The following MYO5C variants were observed in gnomAD, a reference collection of about 807,000 sequenced individuals.
MYO5C encodes the protein myosin VC.
In MYO5C, 194 loss-of-function variants were observed where a neutral mutation model predicts 235.7. The observed-to-expected ratio is 0.82, with a 90% CI of 0.73 to 0.93. The LOEUF (loss-of-function observed/expected upper bound fraction) is 0.93, where lower values mean the gene tolerates loss of function less well. Among genes scored for constraint, MYO5C ranks in the 40% least tolerant of loss-of-function variants. MYO5C has a pLI of 0.00. For synonymous variants in MYO5C, 707 were observed against 754.8 expected (o/e 0.94, Z 1.04); for missense variants, 2,038 against 2,127.2 (o/e 0.96, Z 0.82).
rs1462358472 is a variant in MYO5C at position 52,251,419 on chromosome 15, A to C, written c.1633T>G (p.Ser545Ala). The change falls in exon 13 of 41, where the codon TCC becomes GCC. Residue 545 changes from serine to alanine, a missense_variant. Coordinates refer to ENST00000261839, the MANE Select transcript of MYO5C (RefSeq NM_018728.4). ...LFEKPRMSNTSFVIQHFADKV... is the reference protein window; with the variant it reads ...LFEKPRMSNTAFVIQHFADKV... Reference sequence around the variant, plus strand: ...TCAGCAAAGTGCTGGATGACAAAGGATGTGTTTGACATTCTAGGCTTTTCA... The same window carrying C: ...TCAGCAAAGTGCTGGATGACAAAGGCTGTGTTTGACATTCTAGGCTTTTCA... 1 of 1,599,188 alleles carries C rather than the reference A, an allele frequency of 6.3e-7. No individual in the cohort carries two copies. The highest frequency in any genetic ancestry group is 1.7e-5 in the Admixed American group (1 of 58,540).
chr15:52,277,466 C>T (rs186582514), intron 4 of MYO5C, among the ~76,000 whole-genome samples: 85 of 152,244 alleles, frequency 5.6e-4, no homozygotes, highest in Non-Finnish European at 1.0e-3. Flanking sequence ...TAATTCTCTA[C>T]CCAGTATGCA....
chr15:52,284,083 A>G (rs980537331), intron 1 of MYO5C, among the ~76,000 whole-genome samples: 10 of 151,910 alleles, frequency 6.6e-5, no homozygotes, highest in African/African-American at 2.4e-4. Context: ...TAATCTTTAA[A>G]GGCAAATATC....
chr15:52,291,729 A>ATTT (rs1317823747), intron 1 of MYO5C, among the ~76,000 whole-genome samples: 1 of 46,722 alleles, frequency 2.1e-5, no homozygotes, highest in Non-Finnish European at 4.5e-5. Context: ...TGCATATTTT[A>ATTT]TGTTTTTTTT....
chr15:52,265,336 G>A (rs1339906881), intron 8 of MYO5C: 1 of 152,290 alleles, frequency 6.6e-6, no homozygotes, highest in East Asian at 1.9e-4. Context: ...GATCCCCCCA[G>A]TGTGTGTTAA....
At chr15:52,265,347 T>C (rs2036783749) in intron 8 of MYO5C, 1 of 152,246 alleles carries the variant, frequency 6.6e-6, no homozygotes, top group African/African-American at 2.4e-5. Context: ...TGTGTGTTAA[T>C]GACACTGTGG....
At chr15:52,273,277 T>C (rs1388686580) in intron 5 of MYO5C, among the ~76,000 whole-genome samples, 1 of 152,170 alleles carries the variant, frequency 6.6e-6, no homozygotes, top group Non-Finnish European at 1.5e-5. Flanking sequence ...GAGCTATGAT[T>C]GCACCACCGC....
intron 36 of MYO5C, among the ~76,000 whole-genome samples, chr15:52,207,487 G>A (rs537692516): frequency 2.9e-4 from 44 of 152,182 alleles, no homozygotes; most frequent in African/African-American, 1.0e-3. Context: ...TCCTTCCATT[G>A]GGACAACTGG....
intron 34 of MYO5C, 106 bp from the exon 35 acceptor site, chr15:52,211,990 A>G (rs1487432878): frequency 2.6e-6 from 3 of 1,169,182 alleles, no homozygotes; most frequent in Non-Finnish European, 2.4e-6. Flanking sequence ...TGCTTGACAC[A>G]GTGCCTGAAT....
chr15:52,233,639 C>T (rs566784493), intron 23 of MYO5C, among the ~76,000 whole-genome samples: 2 of 152,158 alleles, frequency 1.3e-5, no homozygotes, highest in African/African-American at 2.4e-5. Flanking sequence ...AGAGGAAGTA[C>T]AAAAAAGGCA....
intron 8 of MYO5C, among the ~76,000 whole-genome samples, chr15:52,268,564 G>GA (rs911254614): frequency 2.6e-4 from 38 of 143,444 alleles, no homozygotes; most frequent in Admixed American, 1.3e-3. Context: ...AAAAAGAAAA[G>GA]AAAAAAAAAA....
At chr15:52,271,622 C>A in intron 7 of MYO5C, 141 bp downstream of exon 7, 1 of 485,416 alleles carries the variant, frequency 2.1e-6, no homozygotes, top group Non-Finnish European at 3.6e-6. Flanking sequence ...ATTAGATGCA[C>A]CAATTCTGTC....
Position 52,246,954 on chromosome 15 carries a change from G to C in MYO5C, c.1942C>G (p.Arg648Gly), listed in dbSNP as rs760127579. The C allele has an allele frequency of 1.2e-6, 2 of 1,613,914 alleles. No homozygotes were observed. Among genetic ancestry groups the C allele is most frequent in the Non-Finnish European group, 1.7e-6 (2 of 1,179,976 alleles). ...TTCTCATCATTTGGCTTGATGCATCGAACGTAGTGGGGCGTCGTCGCATTG... is the reference window on the plus strand; with the variant it reads ...TTCTCATCATTTGGCTTGATGCATCCAACGTAGTGGGGCGTCGTCGCATTG... ...TLNATTPHYV[R>G]CIKPNDEKLP... The change falls in exon 16 of 41, where the codon CGA becomes GGA. Residue 648 changes from arginine to glycine, a missense_variant. Physicochemically the swap from Arg to Gly is moderately radical, Grantham distance 125. Coordinates refer to ENST00000261839, the MANE Select transcript of MYO5C (RefSeq NM_018728.4).
At chr15:52,219,058 C>G (rs2035617429) in intron 31 of MYO5C, among the ~76,000 whole-genome samples, 1 of 152,234 alleles carries the variant, frequency 6.6e-6, no homozygotes, top group Non-Finnish European at 1.5e-5. Context: ...AGGGATCAGA[C>G]AGAAGAGAGG....
rs1254167462 is a variant in MYO5C, at chr15:52,198,588, T to TTTG, written c.4821-2106_4821-2105insCAA. ...TGTTGTTGTTGCTTTTTGTTTGTTT[T>TTTG]TTTGTTTGTTTGAGACAGAGTCTCA... On this transcript the variant is annotated intron_variant, in intron 38 of 40. Transcript: ENST00000261839. 7.2e-4 allele frequency among the ~76,000 whole-genome samples: 109 copies of TTTG among 152,116 alleles called. 1 individual carries two copies. The highest frequency in any genetic ancestry group is 1.3e-3 in the Non-Finnish European group (89 of 67,992).
At chr15:52,290,626 GAAA>G (rs36071351) in intron 1 of MYO5C, among the ~76,000 whole-genome samples, 13 of 136,550 alleles carry the variant, frequency 9.5e-5, no homozygotes, top group Non-Finnish European at 1.3e-4. Context: ...CAACCTTTAG[GAAA>G]AAAAAAAAAA....
At chr15:52,228,075 AT>A (rs1223511151) in intron 25 of MYO5C, among the ~76,000 whole-genome samples, 8 of 151,848 alleles carry the variant, frequency 5.3e-5, no homozygotes, top group Admixed American at 5.2e-4. Context: ...CCATTCATTC[AT>A]TTTTCTCTAG....
intron 26 of MYO5C, 61 bp downstream of exon 26, chr15:52,225,378 C>T (rs556623273): frequency 8.3e-5 from 111 of 1,344,914 alleles, no homozygotes; most frequent in Admixed American, 1.8e-4. Context: ...TCCTTAGCAG[C>T]GACACAGCTA....
intron 32 of MYO5C, 44 bp from the exon 33 acceptor site, chr15:52,214,734 TA>T: frequency 7.4e-7 from 1 of 1,343,124 alleles, no homozygotes; most frequent in Non-Finnish European, 1.0e-6. Flanking sequence ...AGAAGCACTT[TA>T]ATCTATTTTT....
intron 8 of MYO5C, among the ~76,000 whole-genome samples, chr15:52,268,068 A>G (rs2036848836): frequency 6.6e-6 from 1 of 152,196 alleles, no homozygotes; most frequent in South Asian, 2.1e-4. Context: ...GTTTGAGGGA[A>G]CAGTCTGATG....
Sources: allele counts gnomAD v4.1 joint callset (sites outside exome capture counted in the v4.1 genomes callset), GRCh38; gene constraint gnomAD v4.1.1; transcripts MANE v1.5; gene names NCBI Gene and HGNC (gene_info 2026-07-23, HGNC 2026-07-21).